PSME4: variants seen among roughly 807,000 people sequenced by gnomAD.
PSME4 encodes proteasome activator subunit 4.
Under a neutral mutation model 253.9 loss-of-function variants are expected in PSME4, and 89 were observed. The observed-to-expected ratio is 0.35, with a 90% confidence interval of 0.30 to 0.42. PSME4 has a LOEUF of 0.42. Ranked by LOEUF, PSME4 falls within the 10% of genes least tolerant of loss-of-function variation. The pLI is 1.00. For synonymous variants in PSME4, 851 were observed against 759.2 expected (o/e 1.12, Z -1.99); for missense variants, 2,014 against 2,195.2 (o/e 0.92, Z 1.65).
chr2:53,887,238 C>G, intron 40 of PSME4, 21 bp downstream of exon 40: 1 of 1,581,150 alleles, frequency 6.3e-7, no homozygotes, highest in Non-Finnish European at 8.7e-7. Flanking sequence ...AACTGAGTTT[C>G]TACTAATTTT....
chr2:53,914,157 T>C (rs1312926521), intron 20 of PSME4, among the ~76,000 whole-genome samples: 1 of 152,194 alleles, frequency 6.6e-6, no homozygotes, highest in Non-Finnish European at 1.5e-5. Context: ...AGATGAAAAA[T>C]GACTCCTCTA....
At chr2:53,892,641 C>CA (rs1679964140) in intron 36 of PSME4, among the ~76,000 whole-genome samples, 167 bp downstream of exon 36, 1 of 151,952 alleles carries the variant, frequency 6.6e-6, no homozygotes, top group Non-Finnish European at 1.5e-5. Context: ...TCCTAGAGAC[C>CA]ATTAGGCTGT....
At position 53,872,190 on chromosome 2, in the gene PSME4, G is replaced by A. The variant is rs796639060; in HGVS notation, c.5100+2149C>T. ...CTACTTCTGAGATATTTTACTCCAGGGTACATGTCTATAATTAACTAACTT... is the reference window on the plus strand; with the variant it reads ...CTACTTCTGAGATATTTTACTCCAGAGTACATGTCTATAATTAACTAACTT... On this transcript the variant is annotated intron_variant, in intron 43 of 46. Transcript: ENST00000404125. 3.9e-5 allele frequency among the ~76,000 whole-genome samples: 6 copies of A among 152,074 alleles called. 1 individual carries two copies. Among genetic ancestry groups the A allele is most frequent in the African/African-American group, 1.4e-4 (6 of 41,450 alleles).
intron 43 of PSME4, 83 bp downstream of exon 43, chr2:53,874,256 G>T: frequency 7.4e-7 from 1 of 1,348,400 alleles, no homozygotes; most frequent in Non-Finnish European, 1.0e-6. Flanking sequence ...AATTGCACCT[G>T]GCCGCAAATA....
chr2:53,925,544 A>G lies in PSME4; in HGVS notation c.1804T>C (p.Phe602Leu), dbSNP rs754581326. 2.6e-6 allele frequency: 4 copies of G among 1,546,798 alleles called. No homozygotes were observed. Among genetic ancestry groups the G allele is most frequent in the African/African-American group, 1.4e-5 (1 of 73,562 alleles). The part of the protein sequence containing the change: ...TILTQCSKEI[F>L]MVALQKVFNF... ...TTTTGCAGCAATGTTCTTACCATAA[A>G]TATTTCTTTGGAACATTGGGTGAGG... Residue 602 changes from phenylalanine to leucine, a missense_variant, in exon 14 of 47, where the codon TTT (phenylalanine) becomes CTT (leucine). This residue lies in a region of PSME4 where 989 missense variants were observed against 1,021.1 expected (regional missense o/e 0.97). Transcript: ENST00000404125.
At chr2:53,879,139 G>A (rs536588765) in intron 41 of PSME4, among the ~76,000 whole-genome samples, 1 of 152,166 alleles carries the variant, frequency 6.6e-6, no homozygotes, top group African/African-American at 2.4e-5. Context: ...AATATTGGGG[G>A]TGAATTTCCC....
chr2:53,919,188 G>T lies in PSME4; in HGVS notation c.2479C>A (p.Leu827Ile). 6.2e-7 allele frequency: 1 copy of T among 1,612,330 alleles called. No individual in the cohort carries two copies. Among genetic ancestry groups the T allele is most frequent in the Non-Finnish European group, 8.5e-7 (1 of 1,179,334 alleles). The change falls in exon 20 of 47, where the codon CTC (leucine) becomes ATC (isoleucine). Residue 827 changes from leucine (L) to isoleucine (I), a missense_variant. Physicochemically the swap from Leu to Ile is conservative, Grantham distance 5. Transcript: ENST00000404125. ...VHNCLIGSGN[L>I]LPPLKGEPVT... ...GGCTCTCCTTTCAACGGAGGTAGGA[G>T]GTTTCCAGAGCCAATTAAACAGTTG...
chr2:53,920,404 C>T (rs930730778), intron 18 of PSME4, 54 bp from the exon 19 acceptor site: 4 of 1,482,380 alleles, frequency 2.7e-6, no homozygotes, highest in Admixed American at 4.2e-5. Context: ...ACAACAACAA[C>T]AAACCCACAT....
At position 53,900,004 on chromosome 2, in the gene PSME4, C is replaced by G. The variant is rs372916821; in HGVS notation, c.3299G>C (p.Cys1100Ser). ...TTGAAGTAATTCCGCTATTTCAACA[C>G]ATGACTTTGGAATCTTGTTAAAAAG... is the stretch of plus-strand genomic sequence containing the variant. ...IGLDFTIPKSCVEIAELLQQS... is the reference protein window; with the variant it reads ...IGLDFTIPKSSVEIAELLQQS... The change falls in exon 29 of 47, where the codon TGT becomes TCT. Residue 1100 changes from cysteine (C) to serine (S), a missense_variant. By Grantham distance (112) the Cys-to-Ser change is moderately radical (BLOSUM62 -1). This residue lies in a region of PSME4 where 989 missense variants were observed against 1,021.1 expected (regional missense o/e 0.97). Transcript: ENST00000404125. The G allele has an allele frequency of 1.2e-6, 2 of 1,612,392 alleles. No homozygotes were observed. The highest frequency in any genetic ancestry group is 1.7e-6 in the Non-Finnish European group (2 of 1,179,398).
At chr2:53,906,922 CA>C in intron 24 of PSME4, 54 bp from the exon 25 acceptor site, 1 of 1,513,344 alleles carries the variant, frequency 6.6e-7, no homozygotes, top group Non-Finnish European at 9.1e-7. Flanking sequence ...ATGACTTCAA[CA>C]ATGGATGCCT....
At chr2:53,934,493 T>C (rs1669011667) in intron 8 of PSME4, 112 bp downstream of exon 8, 16 of 1,079,878 alleles carry the variant, frequency 1.5e-5, no homozygotes, top group Non-Finnish European at 1.8e-5. Context: ...TATCCAAGAA[T>C]CAAGTCACCA....
chr2:53,966,697 T>G (rs527393436), intron 1 of PSME4, among the ~76,000 whole-genome samples: 1 of 152,170 alleles, frequency 6.6e-6, no homozygotes, highest in African/African-American at 2.4e-5. Flanking sequence ...AATCAAGTTT[T>G]TTGGGGTTTT....
chr2:53,953,726 T>C (rs1670105717), intron 1 of PSME4, among the ~76,000 whole-genome samples: 1 of 152,082 alleles, frequency 6.6e-6, no homozygotes, highest in African/African-American at 2.4e-5. Context: ...AAACCCTACT[T>C]TAGACTGTAT....
At chr2:53,884,303 C>T (rs750138984) in intron 41 of PSME4, among the ~76,000 whole-genome samples, 4 of 152,090 alleles carry the variant, frequency 2.6e-5, no homozygotes, top group East Asian at 1.9e-4. Flanking sequence ...CTCCACCTCC[C>T]GGGTTCAAGC....
chr2:53,923,378 T>A lies in PSME4; in HGVS notation c.1851A>T (p.Ile617=), dbSNP rs1558687694. Residue 617 remains isoleucine, a synonymous_variant, in exon 15 of 47, where the codon ATA becomes ATT. Coordinates refer to ENST00000404125, the MANE Select transcript of PSME4 (RefSeq NM_014614.3). ...QKVFNFSTSH[I]FETRVAGRMV... ...TGCGACCTGCTACTCTTGTTTCAAATATATGTGAAGTAGAAAAATTAAAAA... is the reference window on the plus strand; with the variant it reads ...TGCGACCTGCTACTCTTGTTTCAAAAATATGTGAAGTAGAAAAATTAAAAA... 30 of 1,611,070 alleles carry A rather than the reference T, an allele frequency of 1.9e-5. No individual in the cohort carries two copies. The highest frequency in any genetic ancestry group is 2.5e-5 in the Non-Finnish European group (29 of 1,179,206).
At position 53,908,513 on chromosome 2, in the gene PSME4, TATA is replaced by T. The variant is rs764449897; in HGVS notation, c.2679_2681del (p.Ile894del). 1 of 1,610,172 alleles carries T rather than the reference TATA, an allele frequency of 6.2e-7. No homozygotes were observed. Among genetic ancestry groups the T allele is most frequent in the Non-Finnish European group, 8.5e-7 (1 of 1,178,110 alleles). ...AACTATCAAATGACAAATGTACCTTTATAATAAGAAACAATGACTTAGTATCAT... is the reference window on the plus strand; with the variant it reads ...AACTATCAAATGACAAATGTACCTTTATAAGAAACAATGACTTAGTATCAT... On this transcript the variant is annotated inframe_deletion, in exon 23 of 47. Coordinates refer to ENST00000404125, the MANE Select transcript of PSME4 (RefSeq NM_014614.3).
At chr2:53,933,616 A>T (rs1475888967) in intron 8 of PSME4, among the ~76,000 whole-genome samples, 1 of 152,178 alleles carries the variant, frequency 6.6e-6, no homozygotes, top group Non-Finnish European at 1.5e-5. Context: ...TCCTGGGCTC[A>T]AGCTATCCTT....
At chr2:53,923,517 A>G in intron 14 of PSME4, 98 bp from the exon 15 acceptor site, 2 of 1,387,500 alleles carry the variant, frequency 1.4e-6, no homozygotes, top group South Asian at 3.4e-5. Context: ...GACAATTCCA[A>G]AAATAAGCCC....
In PSME4 at chr2:53,948,518, T is replaced by C; in HGVS notation, c.403A>G (p.Arg135Gly). The change falls in exon 3 of 47, where the codon AGA becomes GGA. Residue 135 changes from arginine to glycine, a missense_variant. Coordinates refer to ENST00000404125, the MANE Select transcript of PSME4 (RefSeq NM_014614.3). ...CTCCAGGGTAACTCCAAATCAGCTC[T>C]TGAAAGAAGTTCCTTTTTCCTAAAA... The part of the protein sequence containing the change: ...NLLKKKELLS[R>G]ADLELPWRPL... 6 of 1,610,790 alleles carry C rather than the reference T, an allele frequency of 3.7e-6. No individual in the cohort carries two copies. Among genetic ancestry groups the C allele is most frequent in the Middle Eastern group, 1.7e-4 (1 of 6,052 alleles).
Sources: allele counts gnomAD v4.1 joint callset (sites outside exome capture counted in the v4.1 genomes callset), GRCh38; gene constraint gnomAD v4.1.1; regional missense constraint gnomAD v4.1.1; transcripts MANE v1.5; gene names NCBI Gene and HGNC (gene_info 2026-07-23, HGNC 2026-07-21).